STK32A: variants seen among roughly 807,000 people sequenced by gnomAD.
The protein encoded by STK32A is serine/threonine-protein kinase 32A.
STK32A carries 41 observed loss-of-function variants against 53.2 expected under a neutral mutation model. The observed-to-expected ratio is 0.77, with a 90% CI of 0.60 to 1.00. STK32A has a LOEUF of 1.00. Ranked by LOEUF, STK32A falls within the 50% of genes least tolerant of loss-of-function variation. The probability of loss-of-function intolerance (pLI) is 0.00; values close to 1 mark genes in which losing one functional copy is unlikely to be tolerated. For missense variants in STK32A, 458 were observed against 485.8 expected (o/e 0.94, Z 0.54); for synonymous variants, 166 against 162.8 (o/e 1.02, Z -0.15).
At chr5:147,353,528 G>A (rs1262566174) in intron 7 of STK32A, among the ~76,000 whole-genome samples, 3 of 152,106 alleles carry the variant, frequency 2.0e-5, no homozygotes, top group Non-Finnish European at 2.9e-5. Context: ...TTGGGAGACC[G>A]AGGCAGGCGG....
chr5:147,379,509 C>G (rs1198937931), intron 11 of STK32A, among the ~76,000 whole-genome samples: 1 of 152,036 alleles, frequency 6.6e-6, no homozygotes, highest in Admixed American at 6.6e-5. Context: ...AGAATGTTAG[C>G]TGTTGTGATG....
intron 4 of STK32A, among the ~76,000 whole-genome samples, chr5:147,307,214 T>C (rs910428750): frequency 6.6e-6 from 1 of 152,172 alleles, no homozygotes; most frequent in African/African-American, 2.4e-5. Context: ...TCTGACCTTC[T>C]TTTTCACTGC....
intron 5 of STK32A, among the ~76,000 whole-genome samples, chr5:147,340,024 A>G (rs1755327479): frequency 1.3e-5 from 2 of 152,176 alleles, no homozygotes; most frequent in African/African-American, 4.8e-5. Context: ...CCCATTGTAG[A>G]CCATATAGGT....
chr5:147,326,010 T>C (rs1581097038), intron 5 of STK32A, among the ~76,000 whole-genome samples: 1 of 152,218 alleles, frequency 6.6e-6, no homozygotes, highest in East Asian at 1.9e-4. Context: ...CTTCTTTCTT[T>C]AGGCTTCATG....
intron 8 of STK32A, among the ~76,000 whole-genome samples, chr5:147,363,683 T>C (rs750058262): frequency 2.6e-5 from 4 of 152,236 alleles, no homozygotes; most frequent in Non-Finnish European, 5.9e-5. Flanking sequence ...TGGCAGCATC[T>C]GCTAGTATAA....
rs189109453 is a variant in STK32A, at chr5:147,369,322, T to C, written c.661-1332T>C. Among the ~76,000 whole-genome samples the C allele has an allele frequency of 3.9e-5, 6 of 152,284 alleles. No individual in the cohort carries two copies. The East Asian group carries it at 1.2e-3, about 29-fold the overall frequency. On this transcript the variant is annotated intron_variant, in intron 8 of 12. Transcript: ENST00000397936. The stretch of plus-strand genomic sequence containing the variant: ...GACATTGACTTGCCATGTGTAAAAT[T>C]AAGCTTTTCTTCCCATCACTTTTCT...
chr5:147,295,199 T>C (rs78772082), intron 4 of STK32A, among the ~76,000 whole-genome samples: 8,677 of 152,280 alleles, frequency 0.057, 304 homozygotes, highest in South Asian at 0.093. Flanking sequence ...ACTCAGACAT[T>C]TTATGGTTAC....
At chr5:147,272,867 G>A (rs1163871440) in intron 2 of STK32A, among the ~76,000 whole-genome samples, 4 of 152,180 alleles carry the variant, frequency 2.6e-5, no homozygotes, top group African/African-American at 9.6e-5. Flanking sequence ...ACTAGTCTAA[G>A]GTTACACAGC....
At chr5:147,315,406 A>C (rs2151973916) in intron 4 of STK32A, among the ~76,000 whole-genome samples, 1 of 152,362 alleles carries the variant, frequency 6.6e-6, no homozygotes, top group South Asian at 2.1e-4. Context: ...TAAAGGAGTA[A>C]AATTCTGATA....
At chr5:147,259,520 T>C (rs557459488) in intron 2 of STK32A, among the ~76,000 whole-genome samples, 38 of 147,902 alleles carry the variant, frequency 2.6e-4, no homozygotes, top group Non-Finnish European at 4.9e-4. Context: ...TTATCAGTTA[T>C]AGGTTTTAAA....
At chr5:147,296,517 G>T (rs900484367) in intron 4 of STK32A, among the ~76,000 whole-genome samples, 10 of 151,980 alleles carry the variant, frequency 6.6e-5, no homozygotes, top group Non-Finnish European at 1.5e-5. Context: ...CTTACTTGAG[G>T]CATCTTTTTT....
chr5:147,349,206 T>G (rs1477886944), intron 6 of STK32A, among the ~76,000 whole-genome samples: 1 of 152,260 alleles, frequency 6.6e-6, no homozygotes, highest in African/African-American at 2.4e-5. Flanking sequence ...AGATGAGTGC[T>G]ACCTTTACTT....
chr5:147,342,228 T>C (rs750313075), intron 5 of STK32A, among the ~76,000 whole-genome samples: 6 of 152,160 alleles, frequency 3.9e-5, no homozygotes, highest in Non-Finnish European at 7.4e-5. Context: ...ACAGACCAAG[T>C]CTGTCAGCTT....
At chr5:147,245,866 T>G (rs1454208336) in intron 2 of STK32A, among the ~76,000 whole-genome samples, 3 of 152,182 alleles carry the variant, frequency 2.0e-5, no homozygotes, top group Non-Finnish European at 2.9e-5. Flanking sequence ...TGTTTCCAGT[T>G]TTCCAGCATC....
chr5:147,304,927 T>C (rs1459504904), intron 4 of STK32A, among the ~76,000 whole-genome samples: 1 of 151,924 alleles, frequency 6.6e-6, no homozygotes, highest in Non-Finnish European at 1.5e-5. Flanking sequence ...CTAGGCAACA[T>C]AGTGAGAACT....
chr5:147,277,698 T>G (rs1463616362), intron 2 of STK32A, among the ~76,000 whole-genome samples: 1 of 152,224 alleles, frequency 6.6e-6, no homozygotes, highest in African/African-American at 2.4e-5. Context: ...CTTTCTGAAG[T>G]CATTCTGTGC....
chr5:147,306,666 G>C (rs546337075), intron 4 of STK32A, among the ~76,000 whole-genome samples: 22 of 151,918 alleles, frequency 1.4e-4, no homozygotes, highest in Admixed American at 2.6e-4. Flanking sequence ...AATGTCATTT[G>C]CTTGCTTACA....
chr5:147,344,552 C>T (rs1029369243), intron 6 of STK32A, among the ~76,000 whole-genome samples: 1 of 152,170 alleles, frequency 6.6e-6, no homozygotes, highest in African/African-American at 2.4e-5. Context: ...GCAGGAGGAT[C>T]GCTTGAGCCC....
intron 2 of STK32A, among the ~76,000 whole-genome samples, chr5:147,250,164 G>A (rs754843991): frequency 3.3e-5 from 5 of 152,092 alleles, no homozygotes; most frequent in Admixed American, 6.6e-5. Context: ...ATGGAGATGC[G>A]TGGGAACGGA....
Sources: gnomAD v4.1 joint callset for allele counts (sites outside exome capture counted in the v4.1 genomes callset) on GRCh38, gnomAD v4.1.1 for gene constraint, MANE v1.5 for transcripts, NCBI Gene and HGNC (gene_info 2026-07-23, HGNC 2026-07-21) for gene names.